INSC: variants seen among roughly 807,000 people sequenced by gnomAD.
INSC encodes INSC spindle orientation adaptor protein, also known as protein inscuteable homolog.
A neutral mutation model predicts 58.6 loss-of-function variants in INSC; 67 were observed. The ratio of observed to expected loss-of-function variants is 1.14; its 90% CI spans 0.94 to 1.40. The LOEUF (loss-of-function observed/expected upper bound fraction) is 1.40. Ranked by LOEUF, INSC falls within the 40% of genes most tolerant of loss-of-function variation. The pLI is 0.00. For missense variants in INSC, 714 were observed against 692.0 expected, an observed-to-expected ratio of 1.03 and a Z score of -0.36; for synonymous variants, 262 against 276.1, an observed-to-expected ratio of 0.95 and a Z score of 0.51.
chr11:15,203,551 C>T (rs1162494072), intron 7 of INSC, among the ~76,000 whole-genome samples: 2 of 152,158 alleles, frequency 1.3e-5, no homozygotes, highest in Non-Finnish European at 2.9e-5. Flanking sequence ...GAAAGTATCC[C>T]CATAGTATGG....
At chr11:15,212,888 C>T (rs141251843) in intron 7 of INSC, among the ~76,000 whole-genome samples, 1 of 152,134 alleles carries the variant, frequency 6.6e-6, no homozygotes, top group Non-Finnish European at 1.5e-5. Context: ...TAATGGGTAT[C>T]TTTACCTTGT....
At chr11:15,145,869 G>A (rs1192179450) in intron 1 of INSC, among the ~76,000 whole-genome samples, 3 of 152,154 alleles carry the variant, frequency 2.0e-5, no homozygotes, top group Non-Finnish European at 4.4e-5. Context: ...TCTGAGAAGG[G>A]CCTCCTGGGG....
At chr11:15,265,739 CTATTA>C in the INSC span, among the ~76,000 whole-genome samples, 5 of 149,476 alleles carry the variant, frequency 3.3e-5, no homozygotes, top group African/African-American at 7.4e-5. Context: ...TACATTCTCT[CTATTA>C]TATGTTAATT....
At chr11:15,263,602 G>A in the INSC span, among the ~76,000 whole-genome samples, 1 of 152,048 alleles carries the variant, frequency 6.6e-6, no homozygotes, top group African/African-American at 2.4e-5. Context: ...TTCTATTGTT[G>A]TTATAATAAG....
Position 15,240,499 on chromosome 11 carries a change from T to G in INSC, c.1446T>G (p.Ser482Arg). The G allele has an allele frequency of 1.2e-6, 2 of 1,613,830 alleles. No homozygotes were observed. The highest frequency in any genetic ancestry group is 1.7e-6 in the Non-Finnish European group (2 of 1,179,922). The change falls in exon 12 of 13, where the codon AGT becomes AGG. Residue 482 changes from serine (S) to arginine (R), a missense_variant. By Grantham distance (110) the Ser-to-Arg change is moderately radical. Coordinates refer to ENST00000379556, the MANE Select transcript of INSC (RefSeq NM_001042536.3). Reference protein sequence around the residue: ...LCRSPSERNSSDAVLVACLAA... With the variant: ...LCRSPSERNSRDAVLVACLAA... The stretch of plus-strand genomic sequence containing the variant: ...GATCCCCATCAGAGAGGAACAGCAG[T>G]GACGCCGTGCTTGTGGCCTGCCTGG...
upstream of INSC, among the ~76,000 whole-genome samples, chr11:15,113,083 TCTTC>T (rs1208338294): frequency 8.6e-5 from 13 of 151,254 alleles, no homozygotes; most frequent in Middle Eastern, 3.4e-3. Context: ...TCCCTTCCTT[TCTTC>T]CTTCCTTCCT....
At chr11:15,214,866 C>G (rs1441529131) in intron 7 of INSC, among the ~76,000 whole-genome samples, 1 of 152,158 alleles carries the variant, frequency 6.6e-6, no homozygotes, top group African/African-American at 2.4e-5. Context: ...CCCACCAATC[C>G]TTTTATGCAA....
the INSC span, among the ~76,000 whole-genome samples, chr11:15,257,767 A>G: frequency 6.6e-6 from 1 of 152,150 alleles, no homozygotes; most frequent in Non-Finnish European, 1.5e-5. Flanking sequence ...TCAAAGAACT[A>G]CCAGAAGCTA....
At chr11:15,176,289 A>C (rs1849574163) in intron 3 of INSC, among the ~76,000 whole-genome samples, 1 of 151,578 alleles carries the variant, frequency 6.6e-6, no homozygotes, top group Admixed American at 6.6e-5. Context: ...TTTTTTTTAC[A>C]TGTATCTCAT....
At chr11:15,150,155 G>C (rs1468298732) in intron 2 of INSC, among the ~76,000 whole-genome samples, 2 of 152,328 alleles carry the variant, frequency 1.3e-5, no homozygotes, top group East Asian at 3.9e-4. Context: ...GGCCTAGCCA[G>C]AACACTGAGG....
intron 2 of INSC, among the ~76,000 whole-genome samples, chr11:15,163,877 C>T (rs542554648): frequency 9.2e-5 from 14 of 152,184 alleles, no homozygotes; most frequent in Admixed American, 9.2e-4. Context: ...CGTGAGCCAC[C>T]ATATCTGGCC....
intron 2 of INSC, among the ~76,000 whole-genome samples, chr11:15,172,244 G>A (rs1217922207): frequency 6.6e-6 from 1 of 152,120 alleles, no homozygotes; most frequent in Non-Finnish European, 1.5e-5. Context: ...CCATTTCTAT[G>A]TCTTTAGAAC....
intron 1 of INSC, among the ~76,000 whole-genome samples, chr11:15,131,886 C>A (rs1848133262): frequency 6.6e-6 from 1 of 152,058 alleles, no homozygotes. Flanking sequence ...ACTTCCAACC[C>A]CCTCCATGTA....
At chr11:15,117,085 AC>A (rs888497470) in intron 1 of INSC, among the ~76,000 whole-genome samples, 1 of 149,380 alleles carries the variant, frequency 6.7e-6, no homozygotes, top group Non-Finnish European at 1.5e-5. Flanking sequence ...GGGATTATAG[AC>A]CCCCACCACC....
intron 6 of INSC, among the ~76,000 whole-genome samples, chr11:15,197,595 T>G (rs1329941528): frequency 6.6e-6 from 1 of 152,190 alleles, no homozygotes. Context: ...GTCCTTCATC[T>G]ATCTTAGCTG....
At chr11:15,229,990 TATATATATATATATATATATATA>T (rs1564917437) in intron 9 of INSC, among the ~76,000 whole-genome samples, 397 of 27,480 alleles carry the variant, frequency 0.014, 6 homozygotes, top group South Asian at 0.021. Flanking sequence ...TATATATATA[TATATATATATATATATATATATA>T]ATATATATAT....
chr11:15,133,542 G>C (rs1202186923), intron 1 of INSC, among the ~76,000 whole-genome samples: 1 of 152,160 alleles, frequency 6.6e-6, no homozygotes, highest in Non-Finnish European at 1.5e-5. Context: ...TGTTGACATA[G>C]ACGGTTTATT....
chr11:15,238,579 A>G (rs987824151), intron 10 of INSC, among the ~76,000 whole-genome samples: 3 of 152,184 alleles, frequency 2.0e-5, no homozygotes, highest in Non-Finnish European at 4.4e-5. Context: ...TGGAATTGTA[A>G]TGGTACCTAA....
chr11:15,230,621 A>G (rs1264956902), intron 9 of INSC, among the ~76,000 whole-genome samples: 1 of 152,226 alleles, frequency 6.6e-6, no homozygotes, highest in East Asian at 1.9e-4. Flanking sequence ...GGAGGAATCC[A>G]GGATCACAAC....
Sources: allele counts gnomAD v4.1 joint callset (sites outside exome capture counted in the v4.1 genomes callset), GRCh38; gene constraint gnomAD v4.1.1; transcripts MANE v1.5; gene names NCBI Gene and HGNC (gene_info 2026-07-23, HGNC 2026-07-21).